The following FAM180A variants were observed in gnomAD, a reference collection of about 807,000 sequenced individuals.
The protein encoded by FAM180A is family with sequence similarity 180 member A, also known as protein FAM180A.
Under a neutral mutation model 15.3 loss-of-function variants are expected in FAM180A, and 14 were observed. That is an observed-to-expected ratio of 0.92 (90% CI 0.61 to 1.43). The LOEUF (loss-of-function observed/expected upper bound fraction) is 1.43. FAM180A is among the 40% of genes most tolerant of loss of function. The probability of loss-of-function intolerance (pLI) is 0.00; values close to 1 mark genes in which losing one functional copy is unlikely to be tolerated. For synonymous variants in FAM180A, 90 were observed against 96.8 expected (o/e 0.93, Z 0.41); for missense variants, 200 against 220.8 (o/e 0.91, Z 0.60).
chr7:135,743,218 CTTTTTTTTTT>C (rs10605354), intron 1 of FAM180A, among the ~76,000 whole-genome samples: 2 of 113,204 alleles, frequency 1.8e-5, no homozygotes, highest in Admixed American at 1.9e-4. Context: ...CTCATTGTTC[CTTTTTTTTTT>C]TTTTTTTTTT....
intron 1 of FAM180A, among the ~76,000 whole-genome samples, chr7:135,748,176 T>C (rs1797057388): frequency 6.6e-6 from 1 of 152,224 alleles, no homozygotes; most frequent in Non-Finnish European, 1.5e-5. Context: ...CCAGACGGTC[T>C]GGCCCAACTG....
chr7:135,730,087 T>G lies in FAM180A; in HGVS notation c.*524A>C, dbSNP rs933787000. The G allele has an allele frequency of 4.1e-6, 4 of 985,264 alleles. No homozygotes were observed. Among genetic ancestry groups the G allele is most frequent in the Non-Finnish European group, 4.8e-6 (4 of 829,920 alleles). 61.0% of individuals were successfully genotyped at this position (985,264 alleles called of 1,614,324 possible). On this transcript the variant is annotated 3_prime_UTR_variant, in exon 4 of 4. Transcript: ENST00000338588. Reference sequence around the variant, plus strand: ...TGTAAAAAGTCATTTAACAAGCATTTGATTTTAGACCATTGGACCTGCAGA... The same window carrying G: ...TGTAAAAAGTCATTTAACAAGCATTGGATTTTAGACCATTGGACCTGCAGA...
chr7:135,738,541 A>G (rs544280988), intron 1 of FAM180A, among the ~76,000 whole-genome samples: 2 of 152,298 alleles, frequency 1.3e-5, no homozygotes, highest in Middle Eastern at 3.4e-3. Context: ...CAGTGACTTG[A>G]CAATGCTGTT....
At chr7:135,744,070 T>C (rs1796994302) in intron 1 of FAM180A, among the ~76,000 whole-genome samples, 1 of 152,208 alleles carries the variant, frequency 6.6e-6, no homozygotes. Context: ...CAGCGAGTGC[T>C]GTCCCCTACC....
At chr7:135,734,369 G>A in intron 2 of FAM180A, 50 bp from the exon 3 acceptor site, 2 of 1,517,808 alleles carry the variant, frequency 1.3e-6, no homozygotes, top group East Asian at 2.3e-5. Context: ...CATTGCTGAG[G>A]ACACAGTTGT....
In FAM180A at chr7:135,737,101, C is replaced by T. The variant is rs890848627; in HGVS notation, c.175G>A (p.Glu59Lys). ...TGAGCATGTTCCCCTCTGCCTACCT[C>T]GTAGAGCAGCTCCACCTCCTCCAGG... ...TSLEEVELLY[E>K]FLLAELEISP... Residue 59 changes from glutamate (E) to lysine (K), a missense_variant and splice_region_variant, in exon 2 of 4, where the codon GAG (glutamate) becomes AAG (lysine). By Grantham distance (56) the Glu-to-Lys change is moderately conservative. Coordinates refer to ENST00000338588, the MANE Select transcript of FAM180A (RefSeq NM_205855.4). 8 of 1,610,164 alleles carry T rather than the reference C, an allele frequency of 5.0e-6. No homozygotes were observed. In the African/African-American group the frequency reaches 5.3e-5, roughly 11 times the overall value.
intron 2 of FAM180A, among the ~76,000 whole-genome samples, chr7:135,736,493 A>G (rs1240902270): frequency 1.3e-5 from 2 of 152,196 alleles, no homozygotes; most frequent in South Asian, 2.1e-4. Flanking sequence ...CGGACGGGAG[A>G]TAGAGCCAGG....
At chr7:135,731,785 C>T (rs1324033508) in intron 3 of FAM180A, among the ~76,000 whole-genome samples, 1 of 152,164 alleles carries the variant, frequency 6.6e-6, no homozygotes, top group Non-Finnish European at 1.5e-5. Flanking sequence ...CCTAGTATTT[C>T]TCCAAAAAGA....
rs117005971 is a variant in FAM180A at position 135,744,404 on chromosome 7, C to T, written c.76+4101G>A. ...AGTTGAAGCAACTCGATGGAAAGGA[C>T]GGTGGGTGTGGAAAGGAAAAGCTCT... On this transcript the variant is annotated intron_variant, in intron 1 of 3. Transcript: ENST00000338588. Among the ~76,000 whole-genome samples, 559 of 152,292 alleles carry T rather than the reference C, an allele frequency of 3.7e-3. 10 individuals are homozygous for T. In the East Asian group the frequency reaches 0.04, roughly 11 times the overall value.
intron 1 of FAM180A, among the ~76,000 whole-genome samples, chr7:135,738,872 G>C (rs1796907537): frequency 6.6e-6 from 1 of 152,176 alleles, no homozygotes; most frequent in Non-Finnish European, 1.5e-5. Flanking sequence ...TGGAAATAAT[G>C]GTAAAAATTG....
chr7:135,742,413 C>T (rs1277271467), intron 1 of FAM180A, among the ~76,000 whole-genome samples: 1 of 152,240 alleles, frequency 6.6e-6, no homozygotes, highest in Non-Finnish European at 1.5e-5. Context: ...ACTAGACTTG[C>T]TCCTACATTT....
chr7:135,739,089 C>T (rs962262904), intron 1 of FAM180A, among the ~76,000 whole-genome samples: 1 of 151,876 alleles, frequency 6.6e-6, no homozygotes, highest in African/African-American at 2.4e-5. Context: ...GTGGGCAGAT[C>T]ACATGAGGCC....
chr7:135,730,644 A>T (rs1796767906), intron 3 of FAM180A, among the ~76,000 whole-genome samples: 1 of 152,226 alleles, frequency 6.6e-6, no homozygotes, highest in Non-Finnish European at 1.5e-5. Context: ...ACACTCCCAT[A>T]TTATTCTAAT....
At chr7:135,741,443 G>A (rs1434386535) in intron 1 of FAM180A, among the ~76,000 whole-genome samples, 2 of 151,958 alleles carry the variant, frequency 1.3e-5, no homozygotes, top group African/African-American at 4.8e-5. Flanking sequence ...GTGAACCCGG[G>A]AGGCGGAGGT....
chr7:135,745,193 C>A (rs926392673), intron 1 of FAM180A, among the ~76,000 whole-genome samples: 1 of 152,090 alleles, frequency 6.6e-6, no homozygotes, highest in Non-Finnish European at 1.5e-5. Context: ...ACAGGCCTTT[C>A]CCTCATGGAA....
At chr7:135,747,399 A>G (rs1439542931) in intron 1 of FAM180A, among the ~76,000 whole-genome samples, 1 of 152,170 alleles carries the variant, frequency 6.6e-6, no homozygotes, top group Non-Finnish European at 1.5e-5. Context: ...TTTCTGGGCA[A>G]CGATCACTTC....
At chr7:135,737,485 G>A (rs1469889275) in intron 1 of FAM180A, among the ~76,000 whole-genome samples, 1 of 151,778 alleles carries the variant, frequency 6.6e-6, no homozygotes, top group South Asian at 2.1e-4. Context: ...TACATGGAAG[G>A]CTGAGGCAGG....
chr7:135,732,661 C>A, intron 3 of FAM180A, among the ~76,000 whole-genome samples: 1 of 150,228 alleles, frequency 6.7e-6, no homozygotes, highest in Non-Finnish European at 1.5e-5. Context: ...CCACTGCACT[C>A]CAGCCAGGAT....
chr7:135,737,441 G>T (rs575763085), intron 1 of FAM180A, among the ~76,000 whole-genome samples: 4 of 149,572 alleles, frequency 2.7e-5, no homozygotes, highest in Non-Finnish European at 5.9e-5. Flanking sequence ...ACAAAAAACA[G>T]CCGGGCATGG....
Sources: gnomAD v4.1 joint callset for allele counts (sites outside exome capture counted in the v4.1 genomes callset) on GRCh38, gnomAD v4.1.1 for gene constraint, MANE v1.5 for transcripts, NCBI Gene and HGNC (gene_info 2026-07-23, HGNC 2026-07-21) for gene names.